Variants in IGSF11 observed in about 807,000 individuals in gnomAD.
The protein encoded by IGSF11 is immunoglobulin superfamily member 11.
Under a neutral mutation model 41.0 loss-of-function variants are expected in IGSF11, and 22 were observed. The ratio of observed to expected loss-of-function variants is 0.54; its 90% CI spans 0.38 to 0.77. The LOEUF (loss-of-function observed/expected upper bound fraction) is 0.77, where lower values mean the gene tolerates loss of function less well. Ranked by LOEUF, IGSF11 falls within the 30% of genes least tolerant of loss-of-function variation. The pLI, the probability that IGSF11 is intolerant of heterozygous loss-of-function variation, is 0.00. For missense variants in IGSF11, 444 were observed against 530.8 expected (o/e 0.84, Z 1.61); for synonymous variants, 219 against 201.3 (o/e 1.09, Z -0.74).
At chr3:119,044,939 A>C (rs1941261324) in intron 1 of IGSF11, among the ~76,000 whole-genome samples, 1 of 152,222 alleles carries the variant, frequency 6.6e-6, no homozygotes, top group Non-Finnish European at 1.5e-5. Context: ...AAATACACCA[A>C]AATAGAACCG....
intron 1 of IGSF11, among the ~76,000 whole-genome samples, chr3:118,997,530 C>T (rs112667344): frequency 3.5e-5 from 5 of 141,438 alleles, no homozygotes; most frequent in South Asian, 2.5e-4. Context: ...TCTGCTGCCC[C>T]CCCCCAGCCA....
chr3:118,913,082 G>C (rs1940547394), intron 4 of IGSF11, among the ~76,000 whole-genome samples: 1 of 151,540 alleles, frequency 6.6e-6, no homozygotes, highest in Non-Finnish European at 1.5e-5. Flanking sequence ...AGAGAGAACA[G>C]GTGATCTGGA....
intron 1 of IGSF11, among the ~76,000 whole-genome samples, chr3:119,076,175 T>G (rs2076495523): frequency 6.6e-6 from 1 of 152,190 alleles, no homozygotes; most frequent in Non-Finnish European, 1.5e-5. Flanking sequence ...ATTACCTACT[T>G]AATAAATGGT....
intron 1 of IGSF11, among the ~76,000 whole-genome samples, chr3:118,981,264 G>A (rs141577750): frequency 1.4e-4 from 21 of 152,222 alleles, no homozygotes; most frequent in African/African-American, 4.8e-4. Context: ...CCACCTCCTG[G>A]GTTTAAGCAA....
At chr3:119,008,078 T>C (rs1937628259) in intron 1 of IGSF11, among the ~76,000 whole-genome samples, 1 of 121,262 alleles carries the variant, frequency 8.2e-6, no homozygotes, top group African/African-American at 4.7e-5. Flanking sequence ...TGAGAGATTA[T>C]TTTTACCAAT....
chr3:118,909,545 G>A (rs1262287061), intron 4 of IGSF11, among the ~76,000 whole-genome samples: 1 of 152,166 alleles, frequency 6.6e-6, no homozygotes, highest in African/African-American at 2.4e-5. Context: ...ATTGGACACA[G>A]AAAATTTTAT....
At chr3:118,956,669 T>C (rs1440990939) in intron 1 of IGSF11, among the ~76,000 whole-genome samples, 1 of 152,138 alleles carries the variant, frequency 6.6e-6, no homozygotes, top group African/African-American at 2.4e-5. Flanking sequence ...ACAACAGTAA[T>C]ATCAAAGATT....
At chr3:118,910,957 T>C (rs928645004) in intron 4 of IGSF11, among the ~76,000 whole-genome samples, 27 of 152,142 alleles carry the variant, frequency 1.8e-4, no homozygotes, top group Non-Finnish European at 3.8e-4. Context: ...ACTGCATACA[T>C]TTTCATAGCA....
At chr3:118,965,885 G>A (rs1422934198) in intron 1 of IGSF11, among the ~76,000 whole-genome samples, 3 of 151,960 alleles carry the variant, frequency 2.0e-5, no homozygotes, top group Admixed American at 1.3e-4. Flanking sequence ...GAAAGATGAC[G>A]AAAGGACAAC....
intron 1 of IGSF11, among the ~76,000 whole-genome samples, chr3:119,074,707 C>A (rs928887052): frequency 6.6e-6 from 1 of 151,734 alleles, no homozygotes; most frequent in African/African-American, 2.4e-5. Flanking sequence ...AAAAAATTAG[C>A]CGGGCATGGT....
intron 1 of IGSF11, among the ~76,000 whole-genome samples, chr3:118,995,253 T>C (rs1368137960): frequency 6.6e-6 from 1 of 152,192 alleles, no homozygotes; most frequent in African/African-American, 2.4e-5. Flanking sequence ...TCACTTTTCA[T>C]GTGCTTTCAA....
chr3:119,124,967 T>C (rs2077382724), intron 1 of IGSF11, among the ~76,000 whole-genome samples: 1 of 152,166 alleles, frequency 6.6e-6, no homozygotes, highest in African/African-American at 2.4e-5. Context: ...GGCAGCAGAC[T>C]TTTCAGTGGA....
At position 118,970,979 on chromosome 3, in the gene IGSF11, C is replaced by T. The variant is rs1007192059; in HGVS notation, c.53-40704G>A. Among the ~76,000 whole-genome samples, 2 of 152,288 alleles carry T rather than the reference C, an allele frequency of 1.3e-5. 1 individual carries two copies. Among genetic ancestry groups the T allele is most frequent in the South Asian group, 4.1e-4 (2 of 4,824 alleles). Reference sequence around the variant, plus strand: ...GCAGAACAGGCAACAATAAAGCTGGCAATAATGAGGTGCCAGCCCCAGCTT... The same window carrying T: ...GCAGAACAGGCAACAATAAAGCTGGTAATAATGAGGTGCCAGCCCCAGCTT... On this transcript the variant is annotated intron_variant, in intron 1 of 6. Transcript: ENST00000393775.
chr3:118,965,534 A>T (rs552176809), intron 1 of IGSF11, among the ~76,000 whole-genome samples: 2 of 87,140 alleles, frequency 2.3e-5, no homozygotes, highest in East Asian at 3.2e-4. Context: ...AGATAGAGGT[A>T]AAAAAAAAAA....
intron 1 of IGSF11, among the ~76,000 whole-genome samples, chr3:119,091,167 C>G (rs2076755494): frequency 6.6e-6 from 1 of 152,296 alleles, no homozygotes; most frequent in African/African-American, 2.4e-5. Context: ...CCATCTCACA[C>G]CAGTCAGATG....
intron 1 of IGSF11, among the ~76,000 whole-genome samples, chr3:119,025,930 C>T (rs1939778558): frequency 6.6e-6 from 1 of 152,036 alleles, no homozygotes. Flanking sequence ...AAATACTAAA[C>T]TTCCATTAAA....
At chr3:118,911,958 TA>T (rs535265244) in intron 4 of IGSF11, among the ~76,000 whole-genome samples, 26 of 152,298 alleles carry the variant, frequency 1.7e-4, no homozygotes, top group African/African-American at 5.8e-4. Context: ...GCACGAGAGA[TA>T]ATCATCTCTC....
chr3:119,107,903 T>A (rs1339432504), upstream of IGSF11, among the ~76,000 whole-genome samples: 2 of 147,324 alleles, frequency 1.4e-5, no homozygotes, highest in Non-Finnish European at 3.0e-5. Context: ...GTTGTAGATA[T>A]GCGGCGTTAT....
At chr3:119,111,796 T>C (rs567534041) in intron 1 of IGSF11, among the ~76,000 whole-genome samples, 174 of 152,292 alleles carry the variant, frequency 1.1e-3, no homozygotes, top group Admixed American at 2.7e-3. Context: ...TGTTTGTTAG[T>C]TTTCCTTCTA....
Sources: gnomAD v4.1 joint callset for allele counts (sites outside exome capture counted in the v4.1 genomes callset) on GRCh38, gnomAD v4.1.1 for gene constraint, MANE v1.5 for transcripts, NCBI Gene and HGNC (gene_info 2026-07-23, HGNC 2026-07-21) for gene names.